The following ITIH6 variants were observed in gnomAD, a reference collection of about 807,000 sequenced individuals.
ITIH6 encodes inter-alpha-trypsin inhibitor heavy chain H6.
In ITIH6, 60 loss-of-function variants were observed where a neutral mutation model predicts 58.2. The ratio of observed to expected loss-of-function variants is 1.03; its 90% CI spans 0.84 to 1.28. The LOEUF is 1.28. Ranked by LOEUF, ITIH6 falls within the 50% of genes most tolerant of loss-of-function variation. The pLI is 0.00. For missense variants in ITIH6, 1,290 were observed against 1,021.1 expected (o/e 1.26, Z -3.59); for synonymous variants, 493 against 417.4 (o/e 1.18, Z -2.21).
At chrX:54,795,580 T>C (rs1037780036) in intron 2 of ITIH6, among the ~76,000 whole-genome samples, 3 of 111,897 alleles carry the variant, frequency 2.7e-5, no homozygotes, top group African/African-American at 9.8e-5. Flanking sequence ...TGTCTGTCCC[T>C]GACAGTACAG....
chrX:54,767,578 C>T (rs1156481748), intron 6 of ITIH6, among the ~76,000 whole-genome samples: 1 of 100,424 alleles, frequency 1.0e-5, no homozygotes, highest in African/African-American at 4.1e-5. Context: ...CCCAGAGATT[C>T]TGGTATGTTG....
At chrX:54,797,287 A>T (rs1392936103) in intron 1 of ITIH6, among the ~76,000 whole-genome samples, 191 bp from the exon 2 acceptor site, 1 of 112,019 alleles carries the variant, frequency 8.9e-6, no homozygotes, top group African/African-American at 3.2e-5. Flanking sequence ...AAGCTTTATC[A>T]AGTCTCAGAA....
chrX:54,770,200 G>T (rs957729971), intron 6 of ITIH6, among the ~76,000 whole-genome samples: 6 of 112,754 alleles, frequency 5.3e-5, no homozygotes, highest in Non-Finnish European at 1.1e-4. Flanking sequence ...GTCCCCTTGC[G>T]CTTCCCAGGT....
intron 6 of ITIH6, among the ~76,000 whole-genome samples, chrX:54,764,127 T>C (rs1337626145): frequency 8.9e-6 from 1 of 112,092 alleles, no homozygotes; most frequent in Non-Finnish European, 1.9e-5. Context: ...AATTGGGTCT[T>C]ATTTTATTAT....
At chrX:54,796,557 G>A (rs1019112252) in intron 2 of ITIH6, among the ~76,000 whole-genome samples, 8 of 110,024 alleles carry the variant, frequency 7.3e-5, no homozygotes, top group Admixed American at 5.8e-4. Flanking sequence ...GGTGGCATGC[G>A]CCTGTAGTCC....
intron 9 of ITIH6, among the ~76,000 whole-genome samples, 200 bp downstream of exon 9, chrX:54,754,817 C>A (rs1928454130): frequency 8.9e-6 from 1 of 112,341 alleles, no homozygotes; most frequent in Non-Finnish European, 1.9e-5. Context: ...TCTAACTAAG[C>A]TATTTCTAGA....
intron 6 of ITIH6, among the ~76,000 whole-genome samples, chrX:54,760,893 A>C (rs1471204104): frequency 8.9e-6 from 1 of 111,792 alleles, no homozygotes; most frequent in Non-Finnish European, 1.9e-5. Context: ...TGCCACAATA[A>C]ACATACGTGT....
chrX:54,755,986 G>T (rs1928477662), intron 8 of ITIH6, among the ~76,000 whole-genome samples: 1 of 111,718 alleles, frequency 9.0e-6, no homozygotes, highest in African/African-American at 3.3e-5. Flanking sequence ...CCAGTGAGGA[G>T]CCTGGAACAG....
chrX:54,779,847 G>A (rs564660549), intron 5 of ITIH6, among the ~76,000 whole-genome samples: 1 of 111,308 alleles, frequency 9.0e-6, no homozygotes, highest in African/African-American at 3.3e-5. Flanking sequence ...AGAGATGGAA[G>A]ATGATATTCC....
At position 54,750,079 on chromosome X, in the gene ITIH6, A is replaced by T; in HGVS notation, c.3758T>A (p.Leu1253Gln). ...GCATGGCCCCATAGGTCCTGTCACCAGTCGGATGTCTGCGTGCTGGAACTG... is the reference window on the plus strand; with the variant it reads ...GCATGGCCCCATAGGTCCTGTCACCTGTCGGATGTCTGCGTGCTGGAACTG... ...IGQFQHADIR[L>Q]VTGPMGPCLR... The change falls in exon 13 of 13, where the codon CTG (leucine) becomes CAG (glutamine). Residue 1253 changes from leucine to glutamine, a missense_variant. Physicochemically the swap from Leu to Gln is moderately radical, Grantham distance 113. Coordinates refer to ENST00000218436, the MANE Select transcript of ITIH6 (RefSeq NM_198510.3). 3 of 1,209,330 alleles carry T rather than the reference A, an allele frequency of 2.5e-6. No homozygotes were observed. Among genetic ancestry groups the T allele is most frequent in the Non-Finnish European group, 3.4e-6 (3 of 894,065 alleles).
rs1460048890 is a variant in ITIH6, at chrX:54,758,934, AG to A, written c.1139del (p.Pro380LeufsTer16). The A allele has an allele frequency of 3.5e-5, 42 of 1,203,871 alleles. No homozygotes were observed. Among genetic ancestry groups the A allele is most frequent in the Non-Finnish European group, 4.6e-5 (41 of 891,324 alleles). On this transcript the variant is annotated frameshift_variant, in exon 8 of 13. Coordinates refer to ENST00000218436, the MANE Select transcript of ITIH6 (RefSeq NM_198510.3). LOFTEE classifies it high-confidence loss of function. ...ASVLNHSNQE[P>X]GRGPSVGRIP... ...TCCTCCCCACACTGGGGCCCCTCCCAGGCTCCTGGTTGCTATGGTTCAGCAC... is the reference window on the plus strand; with the variant it reads ...TCCTCCCCACACTGGGGCCCCTCCCAGCTCCTGGTTGCTATGGTTCAGCAC...
chrX:54,759,749 C>A lies in ITIH6; in HGVS notation c.1075+7G>T. 2 of 1,200,432 alleles carry A rather than the reference C, an allele frequency of 1.7e-6. No homozygotes were observed. The highest frequency in any genetic ancestry group is 2.2e-6 in the Non-Finnish European group (2 of 889,097). ...TGCCCATTTGGGTGGGTAGATCTAA[C>A]ACTTACAGCCATCGGCTTCCATGCA... On this transcript the variant is annotated splice_region_variant and intron_variant, in intron 7 of 12. Transcript: ENST00000218436.
At chrX:54,767,979 T>A (rs1248086734) in intron 6 of ITIH6, among the ~76,000 whole-genome samples, 4 of 99,774 alleles carry the variant, frequency 4.0e-5, no homozygotes, top group Non-Finnish European at 7.7e-5. Context: ...CTGTCTAATG[T>A]TGACAGTGGG....
chrX:54,798,250 AGATCTGAGCCC>A (rs1208793238), exon 1 of ITIH6: 1 of 945,281 alleles, frequency 1.1e-6, no homozygotes, highest in South Asian at 2.2e-5. Flanking sequence ...CACATCCAGA[AGATCTGAGCCC>A]GATCTCCAAA....
chrX:54,765,256 T>A (rs1928746934), intron 6 of ITIH6, among the ~76,000 whole-genome samples: 1 of 65,008 alleles, frequency 1.5e-5, no homozygotes, highest in Admixed American at 2.0e-4. Context: ...CAGAAGCTCT[T>A]TAGTTTAATT....
chrX:54,777,387 C>T (rs377658139), intron 5 of ITIH6, among the ~76,000 whole-genome samples: 339 of 112,687 alleles, frequency 3.0e-3, no homozygotes, highest in Non-Finnish European at 4.7e-3. Flanking sequence ...ACTCACTATC[C>T]CAAAGTGAAG....
intron 11 of ITIH6, 73 bp downstream of exon 11, chrX:54,753,578 A>G: frequency 1.3e-6 from 1 of 758,341 alleles, no homozygotes; most frequent in Non-Finnish European, 2.0e-6. Flanking sequence ...GTATTAACCC[A>G]CAAATGTCTA....
chrX:54,774,386 T>G (rs1294549088), intron 5 of ITIH6, among the ~76,000 whole-genome samples, 189 bp from the exon 6 acceptor site: 1 of 112,749 alleles, frequency 8.9e-6, no homozygotes, highest in Non-Finnish European at 1.9e-5. Flanking sequence ...GTGTCTCAGC[T>G]CTTCAGACCT....
chrX:54,773,971 G>T, intron 6 of ITIH6, 110 bp downstream of exon 6: 3 of 433,557 alleles, frequency 6.9e-6, no homozygotes, highest in East Asian at 4.3e-5. Flanking sequence ...AAGACTCAAG[G>T]GTCATGGGAT....
Sources: allele counts gnomAD v4.1 joint callset (sites outside exome capture counted in the v4.1 genomes callset), GRCh38; gene constraint gnomAD v4.1.1; transcripts MANE v1.5; gene names NCBI Gene and HGNC (gene_info 2026-07-23, HGNC 2026-07-21).